Variants in SPATA7 observed in about 807,000 individuals in gnomAD.
The protein encoded by SPATA7 is spermatogenesis-associated protein 7.
SPATA7 carries 43 observed loss-of-function variants against 51.8 expected under a neutral mutation model. The observed-to-expected ratio is 0.83, with a 90% CI of 0.65 to 1.07. The LOEUF (loss-of-function observed/expected upper bound fraction) is 1.07. Among genes scored for constraint, SPATA7 ranks in the 50% least tolerant of loss-of-function variants. SPATA7 has a pLI of 0.00. For missense variants in SPATA7, 683 were observed against 701.3 expected, an observed-to-expected ratio of 0.97 and a Z score of 0.30; for synonymous variants, 230 against 252.8, an observed-to-expected ratio of 0.91 and a Z score of 0.86.
At chr14:88,461,826 G>C (rs976804952) in intron 4 of SPATA7, among the ~76,000 whole-genome samples, 6 of 152,114 alleles carry the variant, frequency 3.9e-5, no homozygotes, top group African/African-American at 7.2e-5. Context: ...GACTGGAGCT[G>C]TTCCTATTTG....
intron 7 of SPATA7, chr14:88,428,375 T>G (rs1048397105): frequency 6.6e-6 from 1 of 152,148 alleles, no homozygotes; most frequent in African/African-American, 2.4e-5. Flanking sequence ...GAATAAAATA[T>G]AATCATACTC....
Position 88,391,471 on chromosome 14 carries a change from A to G in SPATA7, c.94+16A>G. On this transcript the variant is annotated intron_variant, in intron 2 of 11. Transcript: ENST00000393545. ...AAAAGTAATGGTAAGTGAGGTGCTT[A>G]AAACGGCAGCTTTGTTAGAAGATTG... 3 of 1,608,168 alleles carry G rather than the reference A, an allele frequency of 1.9e-6. No homozygotes were observed. Among genetic ancestry groups the G allele is most frequent in the South Asian group, 2.2e-5 (2 of 90,810 alleles).
intron 4 of SPATA7, among the ~76,000 whole-genome samples, chr14:88,464,330 A>T (rs903682046): frequency 2.6e-5 from 4 of 152,094 alleles, no homozygotes; most frequent in African/African-American, 9.7e-5. Flanking sequence ...TTCTTTTTTT[A>T]AAAAATTAAG....
At chr14:88,445,328 T>G (rs2077204115) in intron 3 of SPATA7, among the ~76,000 whole-genome samples, 1 of 151,454 alleles carries the variant, frequency 6.6e-6, no homozygotes, top group African/African-American at 2.4e-5. Context: ...TTTTTGTACA[T>G]TGATTTTGTA....
At position 88,426,657 on chromosome 14, in the gene SPATA7, G is replaced by T. The variant is rs770429142; in HGVS notation, c.798G>T (p.Lys266Asn). Residue 266 changes from lysine to asparagine, a missense_variant, in exon 6 of 12, where the codon AAG (lysine) becomes AAT (asparagine). Transcript: ENST00000393545. ...YRYYTPAKRK[K>N]DFTDQRIEAE... is the part of the protein sequence containing the mutation. ...ATTATACACCTGCCAAAAGAAAAAA[G>T]GATTTTACAGATCAACGGATAGAAG... The T allele has an allele frequency of 4.3e-6, 7 of 1,613,692 alleles. No individual in the cohort carries two copies. Among genetic ancestry groups the T allele is most frequent in the Non-Finnish European group, 3.4e-6 (4 of 1,179,998 alleles).
At chr14:88,398,205 A>G (rs1033695033) in intron 4 of SPATA7, among the ~76,000 whole-genome samples, 2 of 152,048 alleles carry the variant, frequency 1.3e-5, no homozygotes. Context: ...CACTATTCAC[A>G]ATAGCAAAGA....
At chr14:88,421,782 C>T (rs1432625801) in intron 5 of SPATA7, among the ~76,000 whole-genome samples, 1 of 151,992 alleles carries the variant, frequency 6.6e-6, no homozygotes, top group African/African-American at 2.4e-5. Context: ...AACCCTGTCT[C>T]TGCTAAAAAT....
chr14:88,419,986 TG>T (rs2076597020), intron 5 of SPATA7, among the ~76,000 whole-genome samples: 1 of 152,130 alleles, frequency 6.6e-6, no homozygotes, highest in African/African-American at 2.4e-5. Flanking sequence ...CAGTAGAATA[TG>T]GGAAAGATGA....
intron 1 of SPATA7, among the ~76,000 whole-genome samples, chr14:88,386,851 A>G (rs1291403558): frequency 5.9e-5 from 9 of 152,182 alleles, no homozygotes; most frequent in Admixed American, 2.0e-4. Flanking sequence ...CATTGATCAA[A>G]ATAAGTGCTA....
chr14:88,404,340 A>T (rs1470131590), intron 4 of SPATA7, among the ~76,000 whole-genome samples: 1 of 152,216 alleles, frequency 6.6e-6, no homozygotes, highest in Non-Finnish European at 1.5e-5. Flanking sequence ...TTCCAAAATT[A>T]ACCTACATAT....
chr14:88,462,288 C>G (rs1029032524), intron 4 of SPATA7, among the ~76,000 whole-genome samples: 2 of 152,122 alleles, frequency 1.3e-5, no homozygotes, highest in Admixed American at 1.3e-4. Context: ...TTCATTTGTT[C>G]AGTTTTTCTC....
intron 3 of SPATA7, among the ~76,000 whole-genome samples, chr14:88,394,616 A>C (rs2075832611): frequency 6.6e-6 from 1 of 152,196 alleles, no homozygotes. Flanking sequence ...GCTGCTATAA[A>C]CATTCACATA....
At chr14:88,443,196 G>A (rs1288229310), downstream of SPATA7, among the ~76,000 whole-genome samples, 3 of 152,094 alleles carry the variant, frequency 2.0e-5, no homozygotes, top group Non-Finnish European at 2.9e-5. Flanking sequence ...ACCCGCCTTG[G>A]CCTCCCAAAG....
chr14:88,398,650 TAAAA>T (rs903578571), intron 4 of SPATA7, among the ~76,000 whole-genome samples: 4 of 148,710 alleles, frequency 2.7e-5, no homozygotes, highest in East Asian at 2.0e-4. Flanking sequence ...TAAAAAAAGA[TAAAA>T]AAAAATCAGT....
Position 88,437,592 on chromosome 14 carries a change from G to T in SPATA7, c.1210G>T (p.Glu404Ter), listed in dbSNP as rs749304751. The T allele has an allele frequency of 6.2e-7, 1 of 1,608,682 alleles. No homozygotes were observed. Among genetic ancestry groups the T allele is most frequent in the Non-Finnish European group, 8.5e-7 (1 of 1,176,436 alleles). ...ERHIKQNKHL[E>*]EEKMRHLLHV... ...ACATATAAAACAAAATAAACATTTGGAGGAGGTTTGTCTTTCCTTATAACT... is the reference window on the plus strand; with the variant it reads ...ACATATAAAACAAAATAAACATTTGTAGGAGGTTTGTCTTTCCTTATAACT... Residue 404 changes from glutamate to a stop codon, truncating the protein, a stop_gained, in exon 11 of 12, where the codon GAG becomes TAG. Transcript: ENST00000393545. LOFTEE classifies it low-confidence loss of function (END_TRUNC).
chr14:88,405,118 A>G (rs1383920894), intron 4 of SPATA7, among the ~76,000 whole-genome samples: 5 of 152,206 alleles, frequency 3.3e-5, no homozygotes, highest in Non-Finnish European at 5.9e-5. Context: ...GGAAAAAGCA[A>G]TCCAGACAGA....
At chr14:88,404,311 T>TA (rs2076146075) in intron 4 of SPATA7, among the ~76,000 whole-genome samples, 1 of 152,202 alleles carries the variant, frequency 6.6e-6, no homozygotes, top group African/African-American at 2.4e-5. Context: ...GTATTGTTCA[T>TA]ACACTACTTG....
intron 3 of SPATA7, among the ~76,000 whole-genome samples, chr14:88,451,526 CT>C (rs58581785): frequency 2.0e-3 from 287 of 141,142 alleles, no homozygotes; most frequent in Admixed American, 5.3e-3. Context: ...TATCCTATAT[CT>C]TTTTTTTTTT....
intron 5 of SPATA7, among the ~76,000 whole-genome samples, chr14:88,423,533 G>T (rs2076704961): frequency 6.6e-6 from 1 of 151,052 alleles, no homozygotes; most frequent in Non-Finnish European, 1.5e-5. Flanking sequence ...TCCAGCCTGG[G>T]TAACAAAGTA....
Sources: allele counts gnomAD v4.1 joint callset (sites outside exome capture counted in the v4.1 genomes callset), GRCh38; gene constraint gnomAD v4.1.1; transcripts MANE v1.5; gene names NCBI Gene and HGNC (gene_info 2026-07-23, HGNC 2026-07-21).